The following POC1B variants were observed in gnomAD, a reference collection of about 807,000 sequenced individuals.
POC1B encodes POC1 centriolar protein homolog B.
Under a neutral mutation model 60.6 loss-of-function variants are expected in POC1B, and 44 were observed. The ratio of observed to expected loss-of-function variants is 0.73; its 90% CI spans 0.57 to 0.93. POC1B has a LOEUF of 0.93. Ranked by LOEUF, POC1B falls within the 40% of genes least tolerant of loss-of-function variation. The pLI is 0.00. For missense variants in POC1B, 555 were observed against 572.3 expected (o/e 0.97, Z 0.31); for synonymous variants, 180 against 198.9 (o/e 0.90, Z 0.80).
chr12:89,422,461 C>CTGTCAA (rs1248333963), intron 11 of POC1B, among the ~76,000 whole-genome samples: 2 of 152,198 alleles, frequency 1.3e-5, no homozygotes, highest in African/African-American at 4.8e-5. Context: ...AGAAACTGCA[C>CTGTCAA]ACTCAGGGTG....
At position 89,470,343 on chromosome 12, in the gene POC1B, G is replaced by A. The variant is rs749992050; in HGVS notation, c.810+18C>T. The A allele has an allele frequency of 2.4e-5, 32 of 1,311,506 alleles. No individual in the cohort carries two copies. The highest frequency in any genetic ancestry group is 2.9e-5 in the Admixed American group (1 of 34,262). 81.2% of individuals were successfully genotyped at this position (1,311,506 alleles called of 1,614,324 possible). The stretch of plus-strand genomic sequence containing the variant: ...TTATATTTTTATATATAAAAAGCAA[G>A]AATCTGAGTGTTAATACCGTATGTC... On this transcript the variant is annotated intron_variant, in intron 7 of 11. Coordinates refer to ENST00000313546, the MANE Select transcript of POC1B (RefSeq NM_172240.3).
intron 4 of POC1B, among the ~76,000 whole-genome samples, chr12:89,481,219 A>C (rs1260981839): frequency 6.6e-6 from 1 of 152,210 alleles, no homozygotes; most frequent in African/African-American, 2.4e-5. Context: ...CATTTATCAC[A>C]TCCATGTGAA....
At chr12:89,493,404 C>T (rs1869082720) in intron 3 of POC1B, among the ~76,000 whole-genome samples, 2 of 152,178 alleles carry the variant, frequency 1.3e-5, no homozygotes, top group Non-Finnish European at 2.9e-5. Flanking sequence ...CCACTTGGAA[C>T]AGTCAATAAA....
rs1267594423 is a variant in POC1B, at chr12:89,467,601, T to C, written c.879+16A>G. 2 of 1,598,714 alleles carry C rather than the reference T, an allele frequency of 1.3e-6. No individual in the cohort carries two copies. The highest frequency in any genetic ancestry group is 8.6e-7 in the Non-Finnish European group (1 of 1,167,520). On this transcript the variant is annotated intron_variant, in intron 8 of 11. Coordinates refer to ENST00000313546, the MANE Select transcript of POC1B (RefSeq NM_172240.3). ...TACCTTAACCAAATCAAAGAGGAGC[T>C]GAAAGATTTACAAACCTGTGTGTCT...
intron 4 of POC1B, among the ~76,000 whole-genome samples, chr12:89,482,815 G>A (rs553507888): frequency 6.6e-6 from 1 of 152,168 alleles, no homozygotes; most frequent in South Asian, 2.1e-4. Context: ...ATTTGGCTGT[G>A]TACCCACCCA....
chr12:89,525,571 T>A, intron 1 of POC1B: 1 of 1,286,938 alleles, frequency 7.8e-7, no homozygotes, highest in Admixed American at 3.8e-5. Flanking sequence ...TTTTAATACT[T>A]CCTAGGTGAT....
At chr12:89,476,824 T>G (rs1474794240) in intron 4 of POC1B, among the ~76,000 whole-genome samples, 3 of 152,038 alleles carry the variant, frequency 2.0e-5, no homozygotes, top group Non-Finnish European at 4.4e-5. Flanking sequence ...TTTCTTATCT[T>G]CAGAATACAT....
chr12:89,497,266 G>C lies in POC1B; in HGVS notation c.177C>G (p.His59Gln), dbSNP rs1869302583. Residue 59 changes from histidine (H) to glutamine (Q), a missense_variant, in exon 3 of 12, where the codon CAC becomes CAG. Transcript: ENST00000313546. The stretch of plus-strand genomic sequence containing the variant: ...ACTGCACGCTGGTTACAACATCCTT[G>C]TGACCCACATATCTGTAAGCTCTAG... ...PHARAYRYVG[H>Q]KDVVTSVQFS... The C allele has an allele frequency of 4.3e-6, 7 of 1,613,388 alleles. No individual in the cohort carries two copies. Among genetic ancestry groups the C allele is most frequent in the African/African-American group, 1.3e-5 (1 of 74,894 alleles).
chr12:89,502,697 G>A (rs980360799), intron 2 of POC1B: 1 of 1,335,612 alleles, frequency 7.5e-7, no homozygotes, highest in African/African-American at 1.4e-5. Context: ...TAACACATTG[G>A]ATACACCCTT....
chr12:89,449,228 G>A (rs562299542), intron 10 of POC1B, among the ~76,000 whole-genome samples: 1 of 152,286 alleles, frequency 6.6e-6, no homozygotes, highest in South Asian at 2.1e-4. Flanking sequence ...GTGTGTCTGT[G>A]AGGAAGTTAC....
At chr12:89,520,905 T>A (rs1446776444) in intron 2 of POC1B, 1 of 152,110 alleles carries the variant, frequency 6.6e-6, no homozygotes, top group Non-Finnish European at 1.5e-5. Flanking sequence ...AAAATACTTT[T>A]AAAAAAAGCG....
chr12:89,476,091 G>A (rs1883093333), intron 4 of POC1B, among the ~76,000 whole-genome samples: 1 of 151,702 alleles, frequency 6.6e-6, no homozygotes, highest in Admixed American at 6.6e-5. Context: ...AATTTTTGTA[G>A]AGACAGGGTT....
chr12:89,471,615 T>C lies in POC1B; in HGVS notation c.675A>G (p.Gln225=), dbSNP rs1368388432. The change falls in exon 6 of 12, where the codon CAA becomes CAG. Residue 225 remains glutamine (Q), a splice_region_variant and synonymous_variant. Coordinates refer to ENST00000313546, the MANE Select transcript of POC1B (RefSeq NM_172240.3). ...VRVNKLLQHY[Q]VHSGGVNCIS... is the part of the protein sequence containing the mutation. ...ATTTTTTGTTAGGAAAATTGTTACC[T>C]TGGTAATGCTGTAGTAATTTGTTCA... 5 of 1,601,780 alleles carry C rather than the reference T, an allele frequency of 3.1e-6. No individual in the cohort carries two copies. In the Admixed American group the frequency reaches 6.8e-5, roughly 22 times the overall value.
At chr12:89,523,373 GCT>G (rs1279882979) in intron 2 of POC1B, 1 of 1,614,010 alleles carries the variant, frequency 6.2e-7, no homozygotes. Context: ...TTGTAGAAGT[GCT>G]CTTTGTATTC....
At chr12:89,493,860 A>T (rs142250258) in intron 3 of POC1B, among the ~76,000 whole-genome samples, 19 of 152,334 alleles carry the variant, frequency 1.2e-4, no homozygotes, top group Admixed American at 7.8e-4. Context: ...AAACCAAGAT[A>T]GGAGTGCCTT....
chr12:89,525,470 G>C (rs1871376907), intron 1 of POC1B: 2 of 1,340,770 alleles, frequency 1.5e-6, no homozygotes, highest in Non-Finnish European at 1.9e-6. Context: ...CAGGAACCGC[G>C]GCCCCTTTGA....
chr12:89,478,152 CA>C (rs952398614), intron 4 of POC1B, among the ~76,000 whole-genome samples: 9 of 152,124 alleles, frequency 5.9e-5, no homozygotes, highest in African/African-American at 1.9e-4. Flanking sequence ...CTCTGTAGCC[CA>C]GGCTGGAGTG....
chr12:89,459,106 A>C (rs1394973703), intron 10 of POC1B, among the ~76,000 whole-genome samples: 1 of 152,126 alleles, frequency 6.6e-6, no homozygotes, highest in Non-Finnish European at 1.5e-5. Context: ...AGGACAAATA[A>C]CACAATAGGG....
At chr12:89,439,271 C>T (rs1485641202) in intron 10 of POC1B, among the ~76,000 whole-genome samples, 1 of 152,150 alleles carries the variant, frequency 6.6e-6, no homozygotes, top group Non-Finnish European at 1.5e-5. Context: ...AACACCTTGC[C>T]CCACTCCATC....
Sources: gnomAD v4.1 joint callset for allele counts (sites outside exome capture counted in the v4.1 genomes callset) on GRCh38, gnomAD v4.1.1 for gene constraint, MANE v1.5 for transcripts, NCBI Gene and HGNC (gene_info 2026-07-23, HGNC 2026-07-21) for gene names.